Variants in PTPRT observed in about 807,000 individuals in gnomAD.
PTPRT encodes the protein receptor-type tyrosine-protein phosphatase T.
A neutral mutation model predicts 176.8 loss-of-function variants in PTPRT; 56 were observed. The ratio of observed to expected loss-of-function variants is 0.32; its 90% CI spans 0.26 to 0.40. The LOEUF is 0.40. Ranked by LOEUF, PTPRT falls within the 10% of genes least tolerant of loss-of-function variation. The pLI is 1.00. For synonymous variants in PTPRT, 783 were observed against 739.0 expected, an observed-to-expected ratio of 1.06 and a Z score of -0.96; for missense variants, 1,540 against 1,908.2, an observed-to-expected ratio of 0.81 and a Z score of 3.60.
chr20:43,062,872 A>T (rs543943706), intron 1 of PTPRT, among the ~76,000 whole-genome samples: 155 of 152,292 alleles, frequency 1.0e-3, no homozygotes, highest in African/African-American at 3.7e-3. Flanking sequence ...ATCCCTTTGT[A>T]TTACTTTTTC....
chr20:42,993,392 T>C (rs2146111801), intron 1 of PTPRT, among the ~76,000 whole-genome samples: 1 of 142,770 alleles, frequency 7.0e-6, no homozygotes, highest in East Asian at 2.0e-4. Flanking sequence ...CACTCCACCC[T>C]GGGTGACACA....
chr20:42,398,802 T>C (rs1246294068), intron 9 of PTPRT, among the ~76,000 whole-genome samples: 1 of 152,190 alleles, frequency 6.6e-6, no homozygotes, highest in Non-Finnish European at 1.5e-5. Context: ...ACAACAATAA[T>C]TGATTATTTC....
At chr20:43,112,484 C>G (rs1423864427) in intron 1 of PTPRT, among the ~76,000 whole-genome samples, 2 of 151,888 alleles carry the variant, frequency 1.3e-5, no homozygotes, top group East Asian at 3.9e-4. Flanking sequence ...TAAAGGGCAT[C>G]TAAGGGTCAG....
chr20:42,415,848 C>T (rs573424534), intron 9 of PTPRT, among the ~76,000 whole-genome samples: 3 of 152,234 alleles, frequency 2.0e-5, no homozygotes, highest in South Asian at 2.1e-4. Context: ...TATTGATCCA[C>T]ATGACTAAGA....
At chr20:42,815,668 G>A (rs1266178982) in intron 2 of PTPRT, among the ~76,000 whole-genome samples, 8 of 151,990 alleles carry the variant, frequency 5.3e-5, no homozygotes, top group Admixed American at 3.3e-4. Flanking sequence ...TGTCTTCTAG[G>A]GCCTCTCTGA....
In PTPRT at chr20:42,714,026, G is replaced by A. The variant is rs114200997; in HGVS notation, c.860-35867C>T. ...GTCTCAGGTATTTCTTTATAGCAAC[G>A]CAAGAATGGACTAAGACAACACGGA... On this transcript the variant is annotated intron_variant, in intron 6 of 30. Coordinates refer to ENST00000373187, the MANE Select transcript of PTPRT (RefSeq NM_007050.6). Among the ~76,000 whole-genome samples the A allele has an allele frequency of 2.9e-3, 441 of 152,224 alleles. 3 individuals are homozygous for A. The Middle Eastern group carries it at 0.034, about 12-fold the overall frequency.
intron 9 of PTPRT, among the ~76,000 whole-genome samples, chr20:42,440,725 C>T (rs564920891): frequency 2.0e-5 from 3 of 152,294 alleles, no homozygotes; most frequent in South Asian, 4.1e-4. Flanking sequence ...GATCCGCCCG[C>T]CTTGGCCTCC....
At chr20:42,537,290 C>T (rs2072493891) in intron 7 of PTPRT, among the ~76,000 whole-genome samples, 1 of 152,038 alleles carries the variant, frequency 6.6e-6, no homozygotes, top group South Asian at 2.1e-4. Context: ...CATAGTATTA[C>T]CTGATGTTAT....
At chr20:42,952,793 G>A (rs1342749762) in intron 1 of PTPRT, among the ~76,000 whole-genome samples, 2 of 152,182 alleles carry the variant, frequency 1.3e-5, no homozygotes, top group East Asian at 1.9e-4. Context: ...TCTGGAAATA[G>A]ATCTACCAGC....
intron 2 of PTPRT, among the ~76,000 whole-genome samples, chr20:42,825,091 TA>T (rs1192779399): frequency 2.0e-5 from 3 of 152,056 alleles, no homozygotes; most frequent in East Asian, 3.9e-4. Context: ...AGTAAATGAG[TA>T]ATTACCTGAT....
At chr20:42,968,366 G>C (rs1982421805) in intron 1 of PTPRT, among the ~76,000 whole-genome samples, 1 of 152,152 alleles carries the variant, frequency 6.6e-6, no homozygotes, top group African/African-American at 2.4e-5. Flanking sequence ...TTGTATCCCA[G>C]ATCTTAGCCA....
intron 9 of PTPRT, among the ~76,000 whole-genome samples, chr20:42,413,982 C>A (rs11905331): frequency 0.021 from 3,137 of 152,272 alleles, 117 homozygotes; most frequent in African/African-American, 0.072. Context: ...TCCCGAGGAG[C>A]CACCATGCCC....
chr20:42,868,429 G>A (rs2078787819), intron 2 of PTPRT, among the ~76,000 whole-genome samples: 1 of 152,206 alleles, frequency 6.6e-6, no homozygotes, highest in Non-Finnish European at 1.5e-5. Context: ...GAACTTGCAG[G>A]TGATAAACTA....
intron 9 of PTPRT, among the ~76,000 whole-genome samples, chr20:42,443,183 C>T (rs1373286701): frequency 6.6e-6 from 1 of 152,216 alleles, no homozygotes; most frequent in Non-Finnish European, 1.5e-5. Flanking sequence ...GCTTTCCAGA[C>T]CAGTTGATAT....
At chr20:42,132,216 G>C (rs1988156064) in intron 18 of PTPRT, among the ~76,000 whole-genome samples, 1 of 152,170 alleles carries the variant, frequency 6.6e-6, no homozygotes, top group Non-Finnish European at 1.5e-5. Context: ...GTGAGATATG[G>C]AGCTGTGATC....
intron 8 of PTPRT, among the ~76,000 whole-genome samples, chr20:42,469,414 G>A (rs1349853414): frequency 3.3e-5 from 5 of 152,018 alleles, no homozygotes; most frequent in African/African-American, 9.7e-5. Context: ...CACAGTAGCC[G>A]GGATGGTCTC....
intron 27 of PTPRT, among the ~76,000 whole-genome samples, chr20:42,092,716 A>G (rs1984755431): frequency 6.6e-6 from 1 of 152,192 alleles, no homozygotes; most frequent in Non-Finnish European, 1.5e-5. Context: ...CCAGACTAAA[A>G]ATGGGGATAT....
chr20:42,803,487 C>T (rs1160606652), intron 2 of PTPRT, among the ~76,000 whole-genome samples: 3 of 152,258 alleles, frequency 2.0e-5, no homozygotes, highest in Non-Finnish European at 4.4e-5. Flanking sequence ...CAAGAAGGGA[C>T]AGGACAGGTT....
At chr20:42,093,608 G>A (rs929135651) in intron 27 of PTPRT, among the ~76,000 whole-genome samples, 1 of 152,176 alleles carries the variant, frequency 6.6e-6, no homozygotes, top group African/African-American at 2.4e-5. Flanking sequence ...AGGTAGCCCT[G>A]CCCAATCCCC....
Sources: allele counts gnomAD v4.1 joint callset (sites outside exome capture counted in the v4.1 genomes callset), GRCh38; gene constraint gnomAD v4.1.1; transcripts MANE v1.5; gene names NCBI Gene and HGNC (gene_info 2026-07-23, HGNC 2026-07-21).